The following RMND1 variants were observed in gnomAD, a reference collection of about 807,000 sequenced individuals.
The protein encoded by RMND1 is required for meiotic nuclear division protein 1 homolog.
In RMND1, 41 loss-of-function variants were observed where a neutral mutation model predicts 54.0. The observed-to-expected ratio is 0.76, with a 90% CI of 0.59 to 0.98. RMND1 has a LOEUF of 0.98. Among genes scored for constraint, RMND1 ranks in the 50% least tolerant of loss-of-function variants. The probability of loss-of-function intolerance (pLI) is 0.00; values close to 1 mark genes in which losing one functional copy is unlikely to be tolerated. For synonymous variants in RMND1, 183 were observed against 181.7 expected (o/e 1.01, Z -0.06); for missense variants, 457 against 532.0 (o/e 0.86, Z 1.39).
intron 1 of RMND1, among the ~76,000 whole-genome samples, chr6:151,451,198 T>TTA (rs534447300): frequency 3.5e-5 from 4 of 113,392 alleles, no homozygotes; most frequent in Non-Finnish European, 7.7e-5. Context: ...GAATGATCAA[T>TTA]AAAAAAAAAA....
intron 4 of RMND1, among the ~76,000 whole-genome samples, chr6:151,430,958 A>T (rs184555912): frequency 1.9e-4 from 29 of 152,204 alleles, no homozygotes; most frequent in Admixed American, 1.8e-3. Context: ...AGTATTTGTG[A>T]TAGAAACATA....
intron 7 of RMND1, 72 bp downstream of exon 7, chr6:151,423,453 T>C (rs1780209114): frequency 1.1e-6 from 1 of 935,368 alleles, no homozygotes; most frequent in Admixed American, 2.0e-5. Context: ...TATACCAAAA[T>C]CGTGACTATT....
chr6:151,409,082 T>C (rs367773857), intron 10 of RMND1, among the ~76,000 whole-genome samples: 55 of 152,332 alleles, frequency 3.6e-4, no homozygotes, highest in African/African-American at 1.2e-3. Flanking sequence ...AATAGACATG[T>C]GTCTGTCTTG....
intron 6 of RMND1, among the ~76,000 whole-genome samples, chr6:151,424,852 C>T (rs73780689): frequency 0.013 from 1,913 of 151,452 alleles, 34 homozygotes; most frequent in African/African-American, 0.044. Context: ...CAAGAAGTGA[C>T]GGCCAAAGGG....
At chr6:151,414,364 T>C (rs1429947520) in intron 10 of RMND1, among the ~76,000 whole-genome samples, 1 of 151,966 alleles carries the variant, frequency 6.6e-6, no homozygotes, top group Non-Finnish European at 1.5e-5. Context: ...ACAGAAACAA[T>C]AGGAAGGACC....
At chr6:151,407,805 G>C (rs1779679048) in intron 10 of RMND1, among the ~76,000 whole-genome samples, 1 of 152,094 alleles carries the variant, frequency 6.6e-6, no homozygotes, top group Non-Finnish European at 1.5e-5. Flanking sequence ...CAGTCAGGAG[G>C]CTGAGGCAGG....
intron 2 of RMND1, among the ~76,000 whole-genome samples, chr6:151,443,059 G>A (rs1780828845): frequency 6.6e-6 from 1 of 152,128 alleles, no homozygotes; most frequent in African/African-American, 2.4e-5. Context: ...ACAAAGCAGA[G>A]TCTTTTCCTT....
intron 10 of RMND1, 160 bp downstream of exon 10, chr6:151,417,119 G>C: frequency 1.4e-6 from 1 of 694,296 alleles, no homozygotes; most frequent in East Asian, 2.9e-5. Context: ...AAGATCCTTT[G>C]ACACAAAAAA....
At chr6:151,430,327 G>C (rs1780416878) in intron 4 of RMND1, 150 bp from the exon 5 acceptor site, 7 of 538,194 alleles carry the variant, frequency 1.3e-5, no homozygotes, top group Non-Finnish European at 2.4e-5. Context: ...ATGGTCCTTA[G>C]GTGAACTTCC....
chr6:151,428,809 C>CTT (rs1780375909), intron 5 of RMND1, among the ~76,000 whole-genome samples: 1 of 152,158 alleles, frequency 6.6e-6, no homozygotes, highest in Non-Finnish European at 1.5e-5. Flanking sequence ...GATACGATTA[C>CTT]AGGTATGAGT....
At chr6:151,450,489 C>T (rs35105435) in intron 1 of RMND1, among the ~76,000 whole-genome samples, 94 of 115,596 alleles carry the variant, frequency 8.1e-4, no homozygotes, top group Middle Eastern at 6.9e-3. Context: ...GGTGGGGTGT[C>T]AGCCCCCCGC....
intron 7 of RMND1, among the ~76,000 whole-genome samples, chr6:151,422,857 GT>G (rs1468165708): frequency 2.0e-5 from 3 of 152,128 alleles, no homozygotes; most frequent in African/African-American, 7.2e-5. Context: ...TGATTTTCTA[GT>G]ATTACATCTT....
chr6:151,433,150 C>A lies in RMND1; in HGVS notation c.689+5G>T. 1 of 1,603,738 alleles carries A rather than the reference C, an allele frequency of 6.2e-7. No individual in the cohort carries two copies. The highest frequency in any genetic ancestry group is 1.1e-5 in the South Asian group (1 of 90,466). On this transcript the variant is annotated splice_donor_5th_base_variant and intron_variant, in intron 4 of 11. Transcript: ENST00000444024. Reference sequence around the variant, plus strand: ...TCACCTAATGGGGTTTCTTTCCTGTCTTACCTGAAGAAGAATATTGTTCCA... The same window carrying A: ...TCACCTAATGGGGTTTCTTTCCTGTATTACCTGAAGAAGAATATTGTTCCA...
chr6:151,425,870 C>T (rs748647328), intron 6 of RMND1, among the ~76,000 whole-genome samples: 2 of 151,914 alleles, frequency 1.3e-5, no homozygotes, highest in Non-Finnish European at 2.9e-5. Context: ...GATTACTCAG[C>T]TCTTATCCCC....
intron 2 of RMND1, among the ~76,000 whole-genome samples, chr6:151,439,313 C>T (rs991861113): frequency 1.3e-5 from 2 of 152,176 alleles, no homozygotes; most frequent in Non-Finnish European, 2.9e-5. Context: ...TTTCACCAGG[C>T]TCTCCATTAA....
At chr6:151,430,073 G>T in intron 5 of RMND1, 65 bp downstream of exon 5, 2 of 993,574 alleles carry the variant, frequency 2.0e-6, no homozygotes, top group Non-Finnish European at 3.2e-6. Flanking sequence ...TTCAGTATGT[G>T]CTAATTAACA....
In RMND1 at chr6:151,436,572, G is replaced by A. The variant is rs1780623438; in HGVS notation, c.505-18C>T. On this transcript the variant is annotated intron_variant, in intron 2 of 11. Coordinates refer to ENST00000444024, the MANE Select transcript of RMND1 (RefSeq NM_017909.4). ...ATTAGGTCCTGTTCCAGGGAAATGA[G>A]CATAACATGGGTTACCAAGAGGCTG... is the stretch of plus-strand genomic sequence containing the variant. 2.5e-6 allele frequency: 4 copies of A among 1,612,342 alleles called. No homozygotes were observed. The highest frequency in any genetic ancestry group is 1.3e-5 in the African/African-American group (1 of 74,898).
chr6:151,428,379 A>G (rs945110316), intron 5 of RMND1, among the ~76,000 whole-genome samples: 1 of 152,326 alleles, frequency 6.6e-6, no homozygotes, highest in East Asian at 1.9e-4. Context: ...ACGAACTGCA[A>G]TTTATTTAAC....
At chr6:151,426,531 C>T (rs1215414331) in intron 6 of RMND1, among the ~76,000 whole-genome samples, 1 of 151,984 alleles carries the variant, frequency 6.6e-6, no homozygotes, top group Non-Finnish European at 1.5e-5. Flanking sequence ...CCCCCACCCC[C>T]CAAAATCAAT....
Sources: allele counts gnomAD v4.1 joint callset (sites outside exome capture counted in the v4.1 genomes callset), GRCh38; gene constraint gnomAD v4.1.1; transcripts MANE v1.5; gene names NCBI Gene and HGNC (gene_info 2026-07-23, HGNC 2026-07-21).